The following SLC22A25 variants were observed in gnomAD, a reference collection of about 807,000 sequenced individuals.
SLC22A25 encodes solute carrier family 22 member 25, also known as MGI:2442751, MGI:2385316, MGI:3042283, MGI:3645714, MGI:3605624, MGI:2442750.
In SLC22A25, 44 loss-of-function variants were observed where a neutral mutation model predicts 45.9. The ratio of observed to expected loss-of-function variants is 0.96; its 90% confidence interval spans 0.75 to 1.23. The LOEUF (loss-of-function observed/expected upper bound fraction) is 1.23. Among genes scored for constraint, SLC22A25 ranks in the 50% most tolerant of loss-of-function variants. SLC22A25 has a pLI of 0.00. For synonymous variants in SLC22A25, 283 were observed against 238.6 expected, an observed-to-expected ratio of 1.19 and a Z score of -1.72; for missense variants, 800 against 666.4, an observed-to-expected ratio of 1.20 and a Z score of -2.21.
intron 7 of SLC22A25, among the ~76,000 whole-genome samples, chr11:63,191,928 A>T (rs1397769856): frequency 6.6e-6 from 1 of 152,174 alleles, no homozygotes; most frequent in Non-Finnish European, 1.5e-5. Context: ...GAAGTTTCCC[A>T]ACTTAGCTAG....
intron 7 of SLC22A25, among the ~76,000 whole-genome samples, chr11:63,203,186 T>G (rs2089299613): frequency 1.3e-5 from 2 of 151,702 alleles, no homozygotes; most frequent in African/African-American, 4.8e-5. Context: ...AGTAGATAAA[T>G]CCACAAAGAT....
At chr11:63,166,883 T>C (rs1003754652) in intron 9 of SLC22A25, 16 of 985,048 alleles carry the variant, frequency 1.6e-5, no homozygotes, top group Admixed American at 1.2e-4. Flanking sequence ...TAGAGACAGC[T>C]GGCAAGATGG....
intron 4 of SLC22A25, 79 bp from the exon 5 acceptor site, chr11:63,228,643 C>A (rs1053581114): frequency 9.5e-7 from 1 of 1,051,422 alleles, no homozygotes; most frequent in African/African-American, 1.6e-5. Flanking sequence ...AAATAGCCTG[C>A]AAGTTTCATT....
intron 7 of SLC22A25, among the ~76,000 whole-genome samples, chr11:63,186,628 G>T (rs556361471): frequency 6.6e-6 from 1 of 152,122 alleles, no homozygotes; most frequent in Non-Finnish European, 1.5e-5. Context: ...CCATGCCTAT[G>T]TCCTGAATGG....
intron 7 of SLC22A25, among the ~76,000 whole-genome samples, chr11:63,208,576 G>C (rs1204728808): frequency 1.3e-5 from 2 of 152,160 alleles, no homozygotes; most frequent in African/African-American, 4.8e-5. Flanking sequence ...GTATGTGTGA[G>C]AATGTGGGAG....
At chr11:63,227,139 C>T (rs770988892) in intron 5 of SLC22A25, among the ~76,000 whole-genome samples, 4 of 152,026 alleles carry the variant, frequency 2.6e-5, no homozygotes, top group Non-Finnish European at 5.9e-5. Context: ...TTCCCCACTG[C>T]GGCTGAGCTG....
rs1166592279 is a variant in SLC22A25 at position 63,229,842 on chromosome 11, G to A, written c.-190C>T. ...AGCAATTTCCTCAAGTAGTTTTGGG[G>A]TCAGGTAGGTATCTGTTTTCTTTAG... On this transcript the variant is annotated 5_prime_UTR_variant, in exon 4 of 12. Coordinates refer to ENST00000306494, the MANE Select transcript of SLC22A25 (RefSeq NM_199352.6). Among the ~76,000 whole-genome samples, 1 of 152,130 alleles carries A rather than the reference G, an allele frequency of 6.6e-6. No homozygotes were observed. The highest frequency in any genetic ancestry group is 1.5e-5 in the Non-Finnish European group (1 of 68,028).
rs35740247 is a variant in SLC22A25, at chr11:63,229,329, C to A, written c.324G>T (p.Thr108=). 6.2e-7 allele frequency: 1 copy of A among 1,612,332 alleles called. No individual in the cohort carries two copies. The highest frequency in any genetic ancestry group is 8.5e-7 in the Non-Finnish European group (1 of 1,179,018). Residue 108 remains threonine, a synonymous_variant, in exon 4 of 12, where the codon ACG becomes ACT. Coordinates refer to ENST00000306494, the MANE Select transcript of SLC22A25 (RefSeq NM_199352.6). The part of the protein sequence containing the change: ...LIHLNGTFPN[T]SEPDTEPCVD... ...CACAGGGCTCTGTATCTGGCTCACT[C>A]GTGTTGGGGAAGGTCCCATTCAGAT... is the stretch of plus-strand genomic sequence containing the variant.
intron 5 of SLC22A25, among the ~76,000 whole-genome samples, chr11:63,225,417 G>A (rs570507531): frequency 1.0e-3 from 155 of 152,100 alleles, no homozygotes; most frequent in African/African-American, 3.6e-3. Context: ...TAGGGTAAAA[G>A]TTTTTTTTCT....
At chr11:63,190,043 G>C (rs1157607577) in intron 7 of SLC22A25, among the ~76,000 whole-genome samples, 1 of 152,104 alleles carries the variant, frequency 6.6e-6, no homozygotes, top group Non-Finnish European at 1.5e-5. Context: ...TCTTCTTGAG[G>C]AGTATCTTTG....
chr11:63,221,479 GA>G (rs1051679236), intron 5 of SLC22A25, among the ~76,000 whole-genome samples: 3 of 151,994 alleles, frequency 2.0e-5, no homozygotes, highest in Non-Finnish European at 2.9e-5. Context: ...TAAATTGTTA[GA>G]TTTTTTTTCC....
At chr11:63,187,957 T>C (rs897448493) in intron 7 of SLC22A25, among the ~76,000 whole-genome samples, 12 of 152,192 alleles carry the variant, frequency 7.9e-5, no homozygotes, top group African/African-American at 2.9e-4. Context: ...CAGTATTTTA[T>C]TGAGGATTTT....
At chr11:63,179,348 C>T (rs896769980) in intron 9 of SLC22A25, among the ~76,000 whole-genome samples, 3 of 152,078 alleles carry the variant, frequency 2.0e-5, no homozygotes, top group African/African-American at 4.8e-5. Context: ...TTCTTTGTAG[C>T]TTTGCATTGG....
At chr11:63,170,603 A>G (rs1463982492) in intron 9 of SLC22A25, among the ~76,000 whole-genome samples, 1 of 152,198 alleles carries the variant, frequency 6.6e-6, no homozygotes, top group Non-Finnish European at 1.5e-5. Flanking sequence ...CACCCTCCCA[A>G]GACTAAACCA....
At chr11:63,230,849 GT>G (rs938957026) in intron 3 of SLC22A25, among the ~76,000 whole-genome samples, 3 of 151,630 alleles carry the variant, frequency 2.0e-5, no homozygotes, top group Non-Finnish European at 4.4e-5. Flanking sequence ...CCCTTCCTGT[GT>G]CCAAATGTTC....
At chr11:63,237,503 T>A (rs1366250138) in intron 3 of SLC22A25, among the ~76,000 whole-genome samples, 5 of 152,306 alleles carry the variant, frequency 3.3e-5, no homozygotes, top group Admixed American at 3.3e-4. Context: ...ACTCATCAGA[T>A]GCTGATGCCA....
intron 7 of SLC22A25, among the ~76,000 whole-genome samples, chr11:63,201,237 T>G (rs752066513): frequency 3.5e-4 from 54 of 152,114 alleles, no homozygotes; most frequent in Non-Finnish European, 6.9e-4. Flanking sequence ...GCATCCATCA[T>G]GCTACCCAAC....
chr11:63,228,691 G>A (rs1360379446), intron 4 of SLC22A25, 127 bp from the exon 5 acceptor site: 3 of 650,134 alleles, frequency 4.6e-6, no homozygotes, highest in Admixed American at 5.9e-5. Context: ...TGCATTACCT[G>A]ATATTCACTG....
intron 7 of SLC22A25, among the ~76,000 whole-genome samples, chr11:63,198,295 T>C (rs938403883): frequency 1.3e-5 from 2 of 152,208 alleles, no homozygotes; most frequent in Admixed American, 1.3e-4. Flanking sequence ...TGTGGCACTA[T>C]TCACAATAGC....
Sources: allele counts gnomAD v4.1 joint callset (sites outside exome capture counted in the v4.1 genomes callset), GRCh38; gene constraint gnomAD v4.1.1; transcripts MANE v1.5; gene names NCBI Gene and HGNC (gene_info 2026-07-23, HGNC 2026-07-21).